NMUR1: variants seen among roughly 807,000 people sequenced by gnomAD.
NMUR1 encodes neuromedin U receptor 1.
In NMUR1, 16 loss-of-function variants were observed where a neutral mutation model predicts 18.8. The ratio of observed to expected loss-of-function variants is 0.85; its 90% CI spans 0.58 to 1.29. The LOEUF (loss-of-function observed/expected upper bound fraction) is 1.29. NMUR1 is among the 50% of genes most tolerant of loss of function. The pLI is 0.00. For missense variants in NMUR1, 529 were observed against 580.3 expected (o/e 0.91, Z 0.91); for synonymous variants, 258 against 258.2 (o/e 1.00, Z 0.01).
In NMUR1 at chr2:231,523,309, A is replaced by T. The variant is rs2047322171; in HGVS notation, c.*1734T>A. On this transcript the variant is annotated 3_prime_UTR_variant, in exon 3 of 3. Coordinates refer to ENST00000305141, the MANE Select transcript of NMUR1 (RefSeq NM_006056.5). ...TACCATCTTAACCATTTCAGTGTAT[A>T]GTTCAGTATTGTTATGTATATTCAT... The T allele has an allele frequency of 2.8e-6, 1 of 358,344 alleles. No homozygotes were observed. The highest frequency in any genetic ancestry group is 2.1e-5 in the African/African-American group (1 of 48,048). 22.2% of individuals were successfully genotyped at this position (358,344 alleles called of 1,614,324 possible). A position where few individuals can be genotyped will look rare whatever the true frequency, so the allele number is the denominator to read the frequency against.
At chr2:231,519,012 G>A (rs1363179454), downstream of NMUR1, among the ~76,000 whole-genome samples, 3 of 152,266 alleles carry the variant, frequency 2.0e-5, no homozygotes, top group Middle Eastern at 3.4e-3. Context: ...GCCTCTCTTC[G>A]ATGCCTGAGT....
Position 231,530,418 on chromosome 2 carries a change from C to T in NMUR1, c.-57G>A. ...ACCCTCCGAGCGACGGACACAGACG[C>T]GGCGCGGGAGCCAGTGGACTGACTG... is the stretch of plus-strand genomic sequence containing the variant. On this transcript the variant is annotated 5_prime_UTR_variant, in exon 1 of 3. Transcript: ENST00000305141. The T allele has an allele frequency of 1.4e-6, 2 of 1,462,960 alleles. No homozygotes were observed. Among genetic ancestry groups the T allele is most frequent in the Non-Finnish European group, 1.8e-6 (2 of 1,114,552 alleles). 90.6% of individuals were successfully genotyped at this position (1,462,960 alleles called of 1,614,324 possible). A position where few individuals can be genotyped will look rare whatever the true frequency, so the allele number is the denominator to read the frequency against.
rs530878351 is a variant in NMUR1, at chr2:231,530,370, C to G, written c.-9G>C. 1 of 1,486,974 alleles carries G rather than the reference C, an allele frequency of 6.7e-7. No individual in the cohort carries two copies. Among genetic ancestry groups the G allele is most frequent in the South Asian group, 1.3e-5 (1 of 79,408 alleles). The allele number at this position is 1,486,974 out of a possible 1,614,324, so 92.1% of individuals were successfully genotyped here. A position where few individuals can be genotyped will look rare whatever the true frequency, so the allele number is the denominator to read the frequency against. ...GCCTGCGCACCTACCATGCGGCCCGCGGCCCGCGAGACCCCGGCTTCCACC... is the reference window on the plus strand; with the variant it reads ...GCCTGCGCACCTACCATGCGGCCCGGGGCCCGCGAGACCCCGGCTTCCACC... On this transcript the variant is annotated 5_prime_UTR_variant, in exon 1 of 3. Transcript: ENST00000305141.
chr2:231,529,936 A>G (rs183308074), intron 1 of NMUR1, among the ~76,000 whole-genome samples: 254 of 152,294 alleles, frequency 1.7e-3, no homozygotes, highest in Non-Finnish European at 2.8e-3. Flanking sequence ...TTCATCCACA[A>G]GTTGATTCTT....
At chr2:231,518,700 C>T (rs1284167578), downstream of NMUR1, among the ~76,000 whole-genome samples, 2 of 152,246 alleles carry the variant, frequency 1.3e-5, no homozygotes, top group South Asian at 2.1e-4. Flanking sequence ...GGAGGTGAGA[C>T]GAACAGGGAG....
chr2:231,522,059 A>G (rs1298960931), downstream of NMUR1, among the ~76,000 whole-genome samples: 1 of 137,254 alleles, frequency 7.3e-6, no homozygotes, highest in Non-Finnish European at 1.5e-5. Context: ...GGCTTACTGC[A>G]GCCTCGACCT....
At chr2:231,527,958 C>T (rs1222021944) in intron 2 of NMUR1, among the ~76,000 whole-genome samples, 165 bp downstream of exon 2, 1 of 146,794 alleles carries the variant, frequency 6.8e-6, no homozygotes, top group African/African-American at 2.5e-5. Flanking sequence ...AAAGAGTACA[C>T]AGGAGTGCAA....
At chr2:231,525,968 G>GCACA (rs141246136) in intron 2 of NMUR1, among the ~76,000 whole-genome samples, 34 of 142,888 alleles carry the variant, frequency 2.4e-4, no homozygotes, top group Admixed American at 4.8e-4. Flanking sequence ...ACACACACAT[G>GCACA]CACACACACA....
downstream of NMUR1, among the ~76,000 whole-genome samples, chr2:231,521,079 T>G (rs2047300312): frequency 6.6e-6 from 1 of 152,104 alleles, no homozygotes; most frequent in South Asian, 2.1e-4. Context: ...TAGATGAGGT[T>G]AAAGAATAAA....
downstream of NMUR1, among the ~76,000 whole-genome samples, chr2:231,520,985 A>G (rs891242403): frequency 6.6e-6 from 1 of 152,262 alleles, no homozygotes; most frequent in Non-Finnish European, 1.5e-5. Flanking sequence ...AGTAGGGTAG[A>G]TGAACTGATG....
chr2:231,530,408 G>C lies in NMUR1; in HGVS notation c.-47C>G. On this transcript the variant is annotated 5_prime_UTR_variant, in exon 1 of 3. Transcript: ENST00000305141. Reference sequence around the variant, plus strand: ...CCCGGCTTCCACCCTCCGAGCGACGGACACAGACGCGGCGCGGGAGCCAGT... The same window carrying C: ...CCCGGCTTCCACCCTCCGAGCGACGCACACAGACGCGGCGCGGGAGCCAGT... 1 of 1,471,678 alleles carries C rather than the reference G, an allele frequency of 6.8e-7. No individual in the cohort carries two copies. The highest frequency in any genetic ancestry group is 8.9e-7 in the Non-Finnish European group (1 of 1,118,646). 91.2% of individuals were successfully genotyped at this position (1,471,678 alleles called of 1,614,324 possible). A position where few individuals can be genotyped will look rare whatever the true frequency, so the allele number is the denominator to read the frequency against.
chr2:231,527,501 G>A (rs1177986924), intron 2 of NMUR1, among the ~76,000 whole-genome samples: 3 of 152,070 alleles, frequency 2.0e-5, no homozygotes, highest in Non-Finnish European at 4.4e-5. Flanking sequence ...AATTAGCTGG[G>A]CATGGTGGCA....
chr2:231,528,066 GC>G, intron 2 of NMUR1, 56 bp downstream of exon 2: 1 of 1,497,160 alleles, frequency 6.7e-7, no homozygotes. Context: ...GGCCCCAGGA[GC>G]CCCAAACTCA....
intron 1 of NMUR1, among the ~76,000 whole-genome samples, chr2:231,529,564 G>A (rs2047395822): frequency 6.6e-6 from 1 of 152,088 alleles, no homozygotes; most frequent in South Asian, 2.1e-4. Context: ...GAACCTTTGA[G>A]TAAATGACAG....
Position 231,525,221 on chromosome 2 carries a change from T to A in NMUR1, c.1103A>T (p.Gln368Leu), listed in dbSNP as rs778337808. Reference sequence around the variant, plus strand: ...GCAGGCCCCGAGGCACAGGGCCTCCTGGAAGGTCTCTCGGAAGCGGCTGGA... The same window carrying A: ...GCAGGCCCCGAGGCACAGGGCCTCCAGGAAGGTCTCTCGGAAGCGGCTGGA... The part of the protein sequence containing the change: ...LMSSRFRETF[Q>L]EALCLGACCH... The change falls in exon 3 of 3, where the codon CAG becomes CTG. Residue 368 changes from glutamine to leucine, a missense_variant. Coordinates refer to ENST00000305141, the MANE Select transcript of NMUR1 (RefSeq NM_006056.5). 2.7e-5 allele frequency: 43 copies of A among 1,613,864 alleles called. No homozygotes were observed. Among genetic ancestry groups the A allele is most frequent in the Non-Finnish European group, 3.4e-5 (40 of 1,179,952 alleles).
chr2:231,524,958 C>T lies in NMUR1; in HGVS notation c.*85G>A, dbSNP rs1244397527. 7 of 1,476,614 alleles carry T rather than the reference C, an allele frequency of 4.7e-6. No individual in the cohort carries two copies. In the East Asian group the frequency reaches 1.6e-4, roughly 34 times the overall value. The allele number at this position is 1,476,614 out of a possible 1,614,324, so 91.5% of individuals were successfully genotyped here. On this transcript the variant is annotated 3_prime_UTR_variant, in exon 3 of 3. Transcript: ENST00000305141. ...CTGAACTAGGGACAGTACGTGAAGG[C>T]ATCCCTGCAGAGGAAGGCAGATGTG...
Position 231,525,047 on chromosome 2 carries a change from G to C in NMUR1, c.1277C>G (p.Ser426Cys). The C allele has an allele frequency of 1.3e-6, 2 of 1,569,908 alleles. No individual in the cohort carries two copies. The highest frequency in any genetic ancestry group is 2.4e-5 in the South Asian group (2 of 83,148). ...GPEAQQETDPS is the reference protein window; with the variant it reads ...GPEAQQETDPC ...GAAGCCACTTTAAGGCTCCACTCAGGATGGATCGGTCTCTTGCTGCGCCTC... is the reference window on the plus strand; with the variant it reads ...GAAGCCACTTTAAGGCTCCACTCAGCATGGATCGGTCTCTTGCTGCGCCTC... The change falls in exon 3 of 3, where the codon TCC becomes TGC. Residue 426 changes from serine to cysteine, a missense_variant. Physicochemically the swap from Ser to Cys is moderately radical, Grantham distance 112. Transcript: ENST00000305141.
chr2:231,527,928 G>T (rs1215188451), intron 2 of NMUR1, among the ~76,000 whole-genome samples, 195 bp downstream of exon 2: 4 of 151,892 alleles, frequency 2.6e-5, no homozygotes, highest in Admixed American at 6.6e-5. Context: ...TTTGGTGTAA[G>T]ATTCTAGTAG....
Position 231,528,807 on chromosome 2 carries a change from C to A in NMUR1, c.214G>T (p.Val72Leu). ...AGCCCATTGCCCACAGCGCCCACCA[C>A]GAAGATCAGCAGGTATGTGGCACAG... is the stretch of plus-strand genomic sequence containing the variant. The part of the protein sequence containing the change: ...PICATYLLIF[V>L]VGAVGNGLTC... The change falls in exon 2 of 3, where the codon GTG (valine) becomes TTG (leucine). Residue 72 changes from valine (V) to leucine (L), a missense_variant. By Grantham distance (32) the Val-to-Leu change is conservative. Coordinates refer to ENST00000305141, the MANE Select transcript of NMUR1 (RefSeq NM_006056.5). 1 of 1,614,242 alleles carries A rather than the reference C, an allele frequency of 6.2e-7. No homozygotes were observed. Among genetic ancestry groups the A allele is most frequent in the Non-Finnish European group, 8.5e-7 (1 of 1,180,046 alleles).
Sources: gnomAD v4.1 joint callset for allele counts (sites outside exome capture counted in the v4.1 genomes callset) on GRCh38, gnomAD v4.1.1 for gene constraint, MANE v1.5 for transcripts, NCBI Gene and HGNC (gene_info 2026-07-23, HGNC 2026-07-21) for gene names.